The following GREB1L variants were observed in gnomAD, a reference collection of about 807,000 sequenced individuals.
The protein encoded by GREB1L is GREB1-like protein.
A neutral mutation model predicts 200.8 loss-of-function variants in GREB1L; 17 were observed. The observed-to-expected ratio is 0.08, with a 90% CI of 0.06 to 0.13. GREB1L has a LOEUF of 0.13. GREB1L is among the 10% of genes least tolerant of loss of function. The pLI, the probability that GREB1L is intolerant of heterozygous loss-of-function variation, is 1.00. For missense variants in GREB1L, 1,657 were observed against 2,367.7 expected, an observed-to-expected ratio of 0.70 and a Z score of 6.23; for synonymous variants, 789 against 893.0, an observed-to-expected ratio of 0.88 and a Z score of 2.08.
At chr18:21,257,700 A>G in intron 1 of GREB1L, among the ~76,000 whole-genome samples, 1 of 152,238 alleles carries the variant, frequency 6.6e-6, no homozygotes, top group Non-Finnish European at 1.5e-5. Flanking sequence ...TATGTATGTC[A>G]GAGTATGTGT....
Position 21,473,176 on chromosome 18 carries a change from G to A in GREB1L, c.2328G>A (p.Val776=). The part of the protein sequence containing the change: ...RVKQNPYTLF[V]LVHDNSHVEL... Reference sequence around the variant, plus strand: ...AACAGAACCCGTACACACTGTTTGTGCTAGTTCATGACAACTCCCATGTGG... The same window carrying A: ...AACAGAACCCGTACACACTGTTTGTACTAGTTCATGACAACTCCCATGTGG... Residue 776 remains valine (V), a synonymous_variant, in exon 16 of 33, where the codon GTG becomes GTA. Coordinates refer to ENST00000424526, the MANE Select transcript of GREB1L (RefSeq NM_001142966.3). The A allele has an allele frequency of 6.5e-7, 1 of 1,543,660 alleles. No individual in the cohort carries two copies. The highest frequency in any genetic ancestry group is 2.5e-5 in the East Asian group (1 of 40,550).
intron 1 of GREB1L, among the ~76,000 whole-genome samples, chr18:21,338,570 A>G (rs2039222248): frequency 6.6e-6 from 1 of 152,214 alleles, no homozygotes; most frequent in African/African-American, 2.4e-5. Context: ...TTCAGAGCCT[A>G]TCTCTGGGCA....
chr18:21,488,911 C>A (rs2036227087), intron 18 of GREB1L, among the ~76,000 whole-genome samples: 1 of 152,202 alleles, frequency 6.6e-6, no homozygotes, highest in African/African-American at 2.4e-5. Context: ...CCCACCTCGT[C>A]CTCCCAAAGT....
chr18:21,430,581 C>CTTTTTTTTTTTTTTTTTTTTTT (rs147151717), intron 7 of GREB1L, among the ~76,000 whole-genome samples: 1 of 60,192 alleles, frequency 1.7e-5, no homozygotes, highest in Non-Finnish European at 3.1e-5. Flanking sequence ...GATTTGGGAT[C>CTTTTTTTTTTTTTTTTTTTTTT]TTTTTTTTTT....
chr18:21,351,447 C>T (rs1241458430), intron 1 of GREB1L, among the ~76,000 whole-genome samples: 1 of 152,018 alleles, frequency 6.6e-6, no homozygotes, highest in Non-Finnish European at 1.5e-5. Context: ...GTGGCGCATG[C>T]CTGTAGTTCC....
At chr18:21,326,998 T>C (rs1250482336) in intron 1 of GREB1L, among the ~76,000 whole-genome samples, 2 of 152,236 alleles carry the variant, frequency 1.3e-5, no homozygotes, top group African/African-American at 4.8e-5. Flanking sequence ...CATTGAGACA[T>C]TGAGTTTATG....
At chr18:21,280,730 A>T (rs541818986) in intron 1 of GREB1L, among the ~76,000 whole-genome samples, 1 of 151,846 alleles carries the variant, frequency 6.6e-6, no homozygotes, top group Non-Finnish European at 1.5e-5. Flanking sequence ...TCTATTTTCC[A>T]TGTCTGAGAT....
chr18:21,498,761 C>T (rs1411921653), intron 21 of GREB1L, among the ~76,000 whole-genome samples: 5 of 152,186 alleles, frequency 3.3e-5, no homozygotes, highest in Non-Finnish European at 7.3e-5. Flanking sequence ...CCAGAATGCA[C>T]AGTGCTGCGG....
intron 1 of GREB1L, among the ~76,000 whole-genome samples, chr18:21,258,214 T>C (rs1035143550): frequency 6.6e-6 from 1 of 152,220 alleles, no homozygotes; most frequent in Non-Finnish European, 1.5e-5. Context: ...TTTTAGCCTT[T>C]GCACATACCA....
At chr18:21,394,523 A>T (rs1287824554) in intron 4 of GREB1L, among the ~76,000 whole-genome samples, 1 of 152,230 alleles carries the variant, frequency 6.6e-6, no homozygotes, top group Non-Finnish European at 1.5e-5. Flanking sequence ...CAATGAACAG[A>T]TGAATTCATA....
chr18:21,513,231 A>C (rs1012850834), intron 27 of GREB1L, among the ~76,000 whole-genome samples: 1 of 152,154 alleles, frequency 6.6e-6, no homozygotes, highest in African/African-American at 2.4e-5. Context: ...CTTAATCTCT[A>C]TACCATATTG....
At chr18:21,470,705 A>G (rs1490168722) in intron 15 of GREB1L, among the ~76,000 whole-genome samples, 1 of 152,238 alleles carries the variant, frequency 6.6e-6, no homozygotes, top group Admixed American at 6.5e-5. Flanking sequence ...CCAAATATAT[A>G]TATCTCAGGA....
intron 5 of GREB1L, among the ~76,000 whole-genome samples, chr18:21,400,766 G>A (rs2041285082): frequency 6.6e-6 from 1 of 152,150 alleles, no homozygotes; most frequent in South Asian, 2.1e-4. Flanking sequence ...AGAGAACCAG[G>A]GTGAGGACGC....
chr18:21,319,716 T>C (rs2038923798), intron 1 of GREB1L, among the ~76,000 whole-genome samples: 1 of 152,264 alleles, frequency 6.6e-6, no homozygotes, highest in African/African-American at 2.4e-5. Flanking sequence ...AACCAGGGCA[T>C]GGGTAGAGGC....
intron 1 of GREB1L, among the ~76,000 whole-genome samples, chr18:21,333,269 C>A (rs1348349564): frequency 6.6e-6 from 1 of 152,030 alleles, no homozygotes; most frequent in Non-Finnish European, 1.5e-5. Context: ...CATTTATTAA[C>A]TATTAATTGT....
At chr18:21,272,103 G>A (rs1325930957) in intron 1 of GREB1L, among the ~76,000 whole-genome samples, 1 of 152,192 alleles carries the variant, frequency 6.6e-6, no homozygotes, top group African/African-American at 2.4e-5. Context: ...ATTAGGATAA[G>A]CTAACTGCTG....
chr18:21,371,443 C>T (rs1773190924), intron 2 of GREB1L, among the ~76,000 whole-genome samples: 1 of 151,266 alleles, frequency 6.6e-6, no homozygotes, highest in East Asian at 1.9e-4. Context: ...TTCTTCATAT[C>T]CTCAACGTGG....
At chr18:21,362,471 G>C (rs921464769) in intron 1 of GREB1L, among the ~76,000 whole-genome samples, 1 of 152,072 alleles carries the variant, frequency 6.6e-6, no homozygotes, top group Non-Finnish European at 1.5e-5. Flanking sequence ...GCCATTATAA[G>C]TATTTAGATT....
At chr18:21,439,230 T>C (rs1357057677) in intron 7 of GREB1L, among the ~76,000 whole-genome samples, 1 of 152,122 alleles carries the variant, frequency 6.6e-6, no homozygotes, top group Non-Finnish European at 1.5e-5. Context: ...GTTAAGAAAG[T>C]GTATATAAGA....
Sources: allele counts gnomAD v4.1 joint callset (sites outside exome capture counted in the v4.1 genomes callset), GRCh38; gene constraint gnomAD v4.1.1; transcripts MANE v1.5; gene names NCBI Gene and HGNC (gene_info 2026-07-23, HGNC 2026-07-21).